Variants in GNAQ observed in about 807,000 individuals in gnomAD.
The protein encoded by GNAQ is G protein subunit alpha q, also known as guanine nucleotide-binding protein G(q) subunit alpha.
GNAQ carries 8 observed loss-of-function variants against 43.9 expected under a neutral mutation model. The observed-to-expected ratio is 0.18, with a 90% CI of 0.11 to 0.33. GNAQ has a LOEUF of 0.33. GNAQ is among the 10% of genes least tolerant of loss of function. The pLI, the probability that GNAQ is intolerant of heterozygous loss-of-function variation, is 1.00. For missense variants in GNAQ, 158 were observed against 450.8 expected (o/e 0.35, Z 5.88); for synonymous variants, 155 against 170.7 (o/e 0.91, Z 0.71).
rs141245205 is a variant in GNAQ, at chr9:78,017,973, C to T, written c.136+13127G>A. Among the ~76,000 whole-genome samples the T allele has an allele frequency of 7.9e-5, 12 of 152,166 alleles. 1 individual carries two copies. The highest frequency in any genetic ancestry group is 6.8e-3 in the Middle Eastern group (2 of 294). ...ATAATATTGTTCATGATGCTGGAAA[C>T]TGTATACAATCGTTTCAGAATATGT... On this transcript the variant is annotated intron_variant, in intron 1 of 6. Transcript: ENST00000286548.
At chr9:77,727,544 T>G (rs1825416272) in intron 6 of GNAQ, among the ~76,000 whole-genome samples, 1 of 152,154 alleles carries the variant, frequency 6.6e-6, no homozygotes, top group Non-Finnish European at 1.5e-5. Context: ...TGCTATAGAT[T>G]CTAAGTGCTG....
intron 2 of GNAQ, among the ~76,000 whole-genome samples, chr9:77,862,804 T>C (rs1827876232): frequency 6.6e-6 from 1 of 152,258 alleles, no homozygotes; most frequent in Non-Finnish European, 1.5e-5. Context: ...ATAAATTTTC[T>C]GAACTTTTAT....
intron 3 of GNAQ, among the ~76,000 whole-genome samples, chr9:77,810,165 A>G (rs76903858): frequency 0.037 from 5,632 of 152,230 alleles, 301 homozygotes; most frequent in African/African-American, 0.12. Flanking sequence ...TGATTCATCT[A>G]TCTACCTATC....
At chr9:77,789,365 G>C (rs1374863730) in intron 5 of GNAQ, among the ~76,000 whole-genome samples, 6 of 151,934 alleles carry the variant, frequency 3.9e-5, no homozygotes, top group Non-Finnish European at 8.8e-5. Flanking sequence ...TATACAAAAG[G>C]CTCACATCCA....
At chr9:77,820,175 T>C (rs1048203885) in intron 2 of GNAQ, among the ~76,000 whole-genome samples, 2 of 150,756 alleles carry the variant, frequency 1.3e-5, no homozygotes, top group African/African-American at 4.9e-5. Flanking sequence ...ATTGGGAAAG[T>C]CACTGAAGCC....
intron 1 of GNAQ, among the ~76,000 whole-genome samples, chr9:77,992,054 A>G (rs933173178): frequency 6.6e-6 from 1 of 152,210 alleles, no homozygotes; most frequent in African/African-American, 2.4e-5. Context: ...TTTTTCATAC[A>G]GTGACTTCTC....
chr9:77,771,935 C>G (rs1826228793), intron 5 of GNAQ, among the ~76,000 whole-genome samples: 1 of 152,098 alleles, frequency 6.6e-6, no homozygotes, highest in Non-Finnish European at 1.5e-5. Flanking sequence ...CCCTGGAAGG[C>G]TGAGGAGCCA....
At chr9:77,804,729 A>G (rs929493305) in intron 3 of GNAQ, among the ~76,000 whole-genome samples, 1 of 152,146 alleles carries the variant, frequency 6.6e-6, no homozygotes, top group South Asian at 2.1e-4. Flanking sequence ...TTTGACCCCT[A>G]TGTAAGGGCC....
chr9:77,780,256 C>T (rs1211308902), intron 5 of GNAQ, among the ~76,000 whole-genome samples: 10 of 151,792 alleles, frequency 6.6e-5, no homozygotes, highest in African/African-American at 1.9e-4. Flanking sequence ...TATCATTTAA[C>T]AAATCTCTCC....
At chr9:78,008,818 C>T (rs999382984) in intron 1 of GNAQ, among the ~76,000 whole-genome samples, 2 of 152,120 alleles carry the variant, frequency 1.3e-5, no homozygotes, top group South Asian at 2.1e-4. Context: ...AGGGTTTCAC[C>T]GTGTTAACCA....
intron 5 of GNAQ, among the ~76,000 whole-genome samples, chr9:77,734,519 GACAGTC>G (rs56799701): frequency 0.57 from 85,961 of 151,328 alleles, 27,116 homozygotes; most frequent in Non-Finnish European, 0.71. Flanking sequence ...CTGAGGGCCT[GACAGTC>G]ATCTATGCAT....
intron 2 of GNAQ, among the ~76,000 whole-genome samples, chr9:77,920,959 G>T (rs114779907): frequency 0.011 from 1,612 of 152,326 alleles, 21 homozygotes; most frequent in African/African-American, 0.036. Context: ...CACTTTGTGA[G>T]TTAAATCTAT....
intron 2 of GNAQ, among the ~76,000 whole-genome samples, chr9:77,832,835 C>T (rs1265525320): frequency 6.6e-6 from 1 of 152,194 alleles, no homozygotes; most frequent in Non-Finnish European, 1.5e-5. Context: ...GGGGGAGCTA[C>T]ACCCCCAGCT....
intron 5 of GNAQ, among the ~76,000 whole-genome samples, chr9:77,747,951 G>T (rs1021496755): frequency 2.0e-5 from 3 of 152,156 alleles, no homozygotes; most frequent in South Asian, 2.1e-4. Context: ...ATGTTGGATG[G>T]TGTCAATTGG....
intron 1 of GNAQ, among the ~76,000 whole-genome samples, chr9:78,026,889 C>G (rs2118619192): frequency 6.6e-6 from 1 of 152,164 alleles, no homozygotes; most frequent in Non-Finnish European, 1.5e-5. Flanking sequence ...GGTGGTTTTC[C>G]TCACGTTATT....
intron 5 of GNAQ, among the ~76,000 whole-genome samples, chr9:77,778,689 C>A (rs1198731352): frequency 6.6e-6 from 1 of 151,608 alleles, no homozygotes; most frequent in Non-Finnish European, 1.5e-5. Flanking sequence ...CTATAATAAA[C>A]CCACTTTAAC....
intron 2 of GNAQ, among the ~76,000 whole-genome samples, chr9:77,894,281 T>A (rs955503782): frequency 6.3e-5 from 8 of 127,756 alleles, no homozygotes; most frequent in African/African-American, 2.1e-4. Context: ...GCAGTATTGC[T>A]AATAATACAC....
At chr9:77,825,058 T>G (rs756110363) in intron 2 of GNAQ, among the ~76,000 whole-genome samples, 25 of 152,238 alleles carry the variant, frequency 1.6e-4, no homozygotes, top group Admixed American at 5.2e-4. Context: ...GATTTGTGTC[T>G]TTCGTATTTT....
intron 2 of GNAQ, among the ~76,000 whole-genome samples, chr9:77,881,433 C>T (rs956932496): frequency 1.3e-5 from 2 of 152,208 alleles, no homozygotes; most frequent in African/African-American, 4.8e-5. Flanking sequence ...TACTGGAGTA[C>T]AGTGACGCTA....
Sources: gnomAD v4.1 joint callset for allele counts (sites outside exome capture counted in the v4.1 genomes callset) on GRCh38, gnomAD v4.1.1 for gene constraint, MANE v1.5 for transcripts, NCBI Gene and HGNC (gene_info 2026-07-23, HGNC 2026-07-21) for gene names.